TCFL5: variants seen among roughly 807,000 people sequenced by gnomAD.
TCFL5 encodes the protein transcription factor-like 5 protein.
A neutral mutation model predicts 44.3 loss-of-function variants in TCFL5; 9 were observed. The observed-to-expected ratio is 0.20, with a 90% confidence interval of 0.12 to 0.35. The LOEUF is 0.35. Ranked by LOEUF, TCFL5 falls within the 10% of genes least tolerant of loss-of-function variation. The pLI is 1.00. For synonymous variants in TCFL5, 319 were observed against 271.6 expected (o/e 1.17, Z -1.72); for missense variants, 603 against 613.4 (o/e 0.98, Z 0.18).
At chr20:62,845,332 AG>A (rs2063727133) in intron 5 of TCFL5, 1 of 1,024,842 alleles carries the variant, frequency 9.8e-7, no homozygotes, top group Admixed American at 4.7e-5. Flanking sequence ...CGTATTGGCC[AG>A]GCTGGTCTCG....
chr20:62,850,116 G>C (rs1312758578), intron 5 of TCFL5, among the ~76,000 whole-genome samples: 1 of 152,132 alleles, frequency 6.6e-6, no homozygotes. Context: ...GGATTCTGTG[G>C]AAGGCCTGTC....
Position 62,859,411 on chromosome 20 carries a change from C to T in TCFL5, c.947G>A (p.Gly316Asp), listed in dbSNP as rs142924508. Residue 316 changes from glycine to aspartate, a missense_variant, in exon 3 of 6, where the codon GGT becomes GAT. Physicochemically the swap from Gly to Asp is moderately conservative, Grantham distance 94 (BLOSUM62 -1). This residue lies in a region of TCFL5 where 540 missense variants were observed against 478.7 expected (regional missense o/e 1.13). Coordinates refer to ENST00000335351, the MANE Select transcript of TCFL5 (RefSeq NM_006602.4). ...CTCAGGCAAAACTTTGTTTCTACTA[C>T]CTAACGTCTGTTTAGTGGATTCAAT... is the stretch of plus-strand genomic sequence containing the variant. ...QEIESTKQTL[G>D]SRNKVLPEQV... 231 of 1,613,484 alleles carry T rather than the reference C, an allele frequency of 1.4e-4. 1 individual carries two copies. In the African/African-American group the frequency reaches 2.6e-3, roughly 18 times the overall value.
intron 4 of TCFL5, 116 bp downstream of exon 4, chr20:62,857,268 AACGATGCTCCT>A: frequency 7.4e-7 from 1 of 1,344,238 alleles, no homozygotes; most frequent in Non-Finnish European, 1.0e-6. Flanking sequence ...TGGGAAAGCT[AACGATGCTCCT>A]ACCTGCTTTA....
chr20:62,859,505 C>G lies in TCFL5; in HGVS notation c.853G>C (p.Val285Leu). 6.2e-7 allele frequency: 1 copy of G among 1,612,910 alleles called. No homozygotes were observed. Among genetic ancestry groups the G allele is most frequent in the Non-Finnish European group, 8.5e-7 (1 of 1,179,742 alleles). Residue 285 changes from valine to leucine, a missense_variant, in exon 3 of 6, where the codon GTA (valine) becomes CTA (leucine). By Grantham distance (32) the Val-to-Leu change is conservative. Transcript: ENST00000335351. ...QTQSSSNSCS[V>L]LEAAKHQDIG... is the part of the protein sequence containing the mutation. ...TCCTGGTGCTTGGCAGCTTCAAGTA[C>G]AGAACATGAGTTACTAGAACTCTGG...
rs1471886236 is a variant in TCFL5, at chr20:62,853,219, A to AG, written c.1380+796_1380+797insC. On this transcript the variant is annotated intron_variant, in intron 5 of 5. Transcript: ENST00000335351. ...ATAGTCACCCAGTCCACAGAAGTAT[A>AG]TGCACCCAGTCCACAGAAGTATATG... Among the ~76,000 whole-genome samples, 2 of 131,610 alleles carry AG rather than the reference A, an allele frequency of 1.5e-5. 1 individual carries two copies. Among genetic ancestry groups the AG allele is most frequent in the Non-Finnish European group, 3.0e-5 (2 of 67,098 alleles). The allele number at this position is 131,610 out of a possible 152,430, so 86.3% of individuals were successfully genotyped here.
intron 5 of TCFL5, among the ~76,000 whole-genome samples, chr20:62,843,553 CAT>C (rs2063703113): frequency 2.0e-5 from 3 of 152,172 alleles, no homozygotes; most frequent in African/African-American, 4.8e-5. Context: ...GGTTTTAAAA[CAT>C]AGCATTCTAC....
At chr20:62,855,722 T>C (rs1002341494) in intron 4 of TCFL5, among the ~76,000 whole-genome samples, 2 of 151,810 alleles carry the variant, frequency 1.3e-5, no homozygotes, top group African/African-American at 4.8e-5. Context: ...ACCGAGATCG[T>C]GCCATTGCAC....
chr20:62,857,485 T>C lies in TCFL5; in HGVS notation c.1148A>G (p.Gln383Arg), dbSNP rs369253203. 35 of 1,614,132 alleles carry C rather than the reference T, an allele frequency of 2.2e-5. No homozygotes were observed. Among genetic ancestry groups the C allele is most frequent in the African/African-American group, 2.7e-5 (2 of 74,946 alleles). ...QGAWQSSESS[Q>R]ANLGEQAQSG... Reference sequence around the variant, plus strand: ...CTGGGCCTGCTCCCCCAGGTTTGCCTGTGAGGACTCCGAGGACTGCCAAGC... The same window carrying C: ...CTGGGCCTGCTCCCCCAGGTTTGCCCGTGAGGACTCCGAGGACTGCCAAGC... The change falls in exon 4 of 6, where the codon CAG becomes CGG. Residue 383 changes from glutamine (Q) to arginine (R), a missense_variant. Gln to Arg is a conservative substitution (Grantham distance 43, BLOSUM62 1). Around this residue, in one of 4 missense-constraint regions of TCFL5, gnomAD observed 540 missense variants for 478.7 expected, o/e 1.13. Coordinates refer to ENST00000335351, the MANE Select transcript of TCFL5 (RefSeq NM_006602.4).
chr20:62,852,311 C>T (rs888684102), intron 5 of TCFL5: 90 of 936,504 alleles, frequency 9.6e-5, no homozygotes, highest in East Asian at 1.3e-4. Context: ...ACGCTGAGGC[C>T]GGGACCTGGA....
rs1268018559 is a variant in TCFL5 at position 62,841,331 on chromosome 20, G to GTAA, written c.*641_*643dup. 6.5e-6 allele frequency: 1 copy of GTAA among 154,248 alleles called. No individual in the cohort carries two copies. The highest frequency in any genetic ancestry group is 1.4e-5 in the Non-Finnish European group (1 of 69,498). The allele number at this position is 154,248 out of a possible 1,614,324, so 9.6% of individuals were successfully genotyped here. ...AACACCACAGTTTGTGACACATGAA[G>GTAA]TAATGAATGACTCTTGGTATGAAAA... On this transcript the variant is annotated 3_prime_UTR_variant, in exon 6 of 6. Transcript: ENST00000335351.
Position 62,861,029 on chromosome 20 carries a change from GAGCGC to G in TCFL5, c.637_641del (p.Ala213GlnfsTer12), listed in dbSNP as rs1176579177. The G allele has an allele frequency of 1.0e-6, 1 of 993,842 alleles. No individual in the cohort carries two copies. The highest frequency in any genetic ancestry group is 1.8e-5 in the African/African-American group (1 of 56,920). The allele number at this position is 993,842 out of a possible 1,614,324, so 61.6% of individuals were successfully genotyped here. On this transcript the variant is annotated frameshift_variant, in exon 1 of 6. Transcript: ENST00000335351. LOFTEE classifies it high-confidence loss of function. The surrounding 1 kb of genome is among the most constrained non-coding windows in gnomAD (Gnocchi z 4.0). ...CCCGGCCGCCGGGCACGCACTTGTT[GAGCGC>G]CCCGCCCGGCTCGGGGGGCTCGGGG...
intron 1 of TCFL5, among the ~76,000 whole-genome samples, chr20:62,860,647 G>A (rs1470144003): frequency 6.6e-6 from 1 of 152,234 alleles, no homozygotes; most frequent in African/African-American, 2.4e-5. Flanking sequence ...GTCGCCAAGG[G>A]GGCGGCTGCA....
At position 62,844,581 on chromosome 20, in the gene TCFL5, TG is replaced by T. The variant is rs1312824539; in HGVS notation, c.1381-2485del. On this transcript the variant is annotated intron_variant, in intron 5 of 5. Coordinates refer to ENST00000335351, the MANE Select transcript of TCFL5 (RefSeq NM_006602.4). The stretch of plus-strand genomic sequence containing the variant: ...TTTCTGTTTTTTTTTGTTTGTTTTT[TG>T]TTTTTTTTTTTTTGAGACCGAGTCT... 5.1e-3 allele frequency among the ~76,000 whole-genome samples: 633 copies of T among 124,358 alleles called. 3 individuals carry two copies. The highest frequency in any genetic ancestry group is 0.023 in the African/African-American group (573 of 24,574). 81.6% of individuals were successfully genotyped at this position (124,358 alleles called of 152,430 possible). A position where few individuals can be genotyped will look rare whatever the true frequency, so the allele number is the denominator to read the frequency against.
rs1333893228 is a variant in TCFL5 at position 62,846,859 on chromosome 20, T to C, written c.1381-4762A>G. On this transcript the variant is annotated intron_variant, in intron 5 of 5. Transcript: ENST00000335351. ...AAGAAAAAAGAAATAGCTCTAACTATGAGTCAGGAAAATATACCAGGAAGT... is the reference window on the plus strand; with the variant it reads ...AAGAAAAAAGAAATAGCTCTAACTACGAGTCAGGAAAATATACCAGGAAGT... Among the ~76,000 whole-genome samples, 4 of 151,428 alleles carry C rather than the reference T, an allele frequency of 2.6e-5. No individual in the cohort carries two copies. In the East Asian group the frequency reaches 7.8e-4, roughly 29 times the overall value.
At chr20:62,860,735 G>C (rs1047688654) in intron 1 of TCFL5, among the ~76,000 whole-genome samples, 2 of 152,196 alleles carry the variant, frequency 1.3e-5, no homozygotes. Context: ...ATCCAAGAGT[G>C]CCACCCGGAG....
chr20:62,857,662 G>A, intron 3 of TCFL5, 24 bp from the exon 4 acceptor site: 1 of 1,604,504 alleles, frequency 6.2e-7, no homozygotes, highest in Non-Finnish European at 8.5e-7. Context: ...GAAAAAAGTG[G>A]TTTTTAATTT....
At chr20:62,845,184 C>T (rs1402857567) in intron 5 of TCFL5, 27 of 961,628 alleles carry the variant, frequency 2.8e-5, no homozygotes, top group East Asian at 1.2e-4. Flanking sequence ...TGCAATGGCA[C>T]GATCTCAGCT....
At chr20:62,844,391 T>C (rs753960678) in intron 5 of TCFL5, among the ~76,000 whole-genome samples, 3 of 152,156 alleles carry the variant, frequency 2.0e-5, no homozygotes, top group Admixed American at 1.3e-4. Flanking sequence ...GAAATGTCTA[T>C]TCAAGTTCTT....
At chr20:62,854,747 A>G (rs1435076488) in intron 4 of TCFL5, among the ~76,000 whole-genome samples, 1 of 152,250 alleles carries the variant, frequency 6.6e-6, no homozygotes, top group Non-Finnish European at 1.5e-5. Flanking sequence ...AAACTTTTAC[A>G]TATTACATTC....
Sources: allele counts gnomAD v4.1 joint callset (sites outside exome capture counted in the v4.1 genomes callset), GRCh38; gene constraint gnomAD v4.1.1; regional missense constraint gnomAD v4.1.1; non-coding constraint Gnocchi (gnomAD v3.1); transcripts MANE v1.5; gene names NCBI Gene and HGNC (gene_info 2026-07-23, HGNC 2026-07-21).